SYT1: variants seen among roughly 807,000 people sequenced by gnomAD.
The protein encoded by SYT1 is synaptotagmin 1.
A neutral mutation model predicts 44.8 loss-of-function variants in SYT1; 8 were observed. The ratio of observed to expected loss-of-function variants is 0.18; its 90% confidence interval spans 0.10 to 0.32. SYT1 has a LOEUF of 0.32. SYT1 is among the 10% of genes least tolerant of loss of function. The probability of loss-of-function intolerance (pLI) is 1.00; values close to 1 mark genes in which losing one functional copy is unlikely to be tolerated. For missense variants in SYT1, 286 were observed against 509.3 expected (o/e 0.56, Z 4.22); for synonymous variants, 154 against 188.8 (o/e 0.82, Z 1.51).
Position 78,931,179 on chromosome 12 carries a change from AAAAGAAAG to A in SYT1, c.-216-46565_-216-46558del, listed in dbSNP as rs1165668920. Among the ~76,000 whole-genome samples, 376 of 59,834 alleles carry A rather than the reference AAAAGAAAG, an allele frequency of 6.3e-3. 4 individuals carry two copies. The highest frequency in any genetic ancestry group is 0.013 in the Middle Eastern group (2 of 160). The allele number at this position is 59,834 out of a possible 152,430, so 39.3% of individuals were successfully genotyped here. ...GTCTGTGGAAAGAAAGAAAGAAAGAAAAAGAAAGAAAGAAAGAAAGAAAGAAAGAAAGA... is the reference window on the plus strand; with the variant it reads ...GTCTGTGGAAAGAAAGAAAGAAAGAAAAAGAAAGAAAGAAAGAAAGAAAGA... On this transcript the variant is annotated intron_variant, in intron 1 of 10. Transcript: ENST00000261205.
chr12:79,221,071 A>G (rs1051940761), intron 4 of SYT1, among the ~76,000 whole-genome samples: 38 of 152,174 alleles, frequency 2.5e-4, no homozygotes, highest in Admixed American at 2.1e-3. Flanking sequence ...CTTCAGGTCT[A>G]TTAATATTTG....
intron 8 of SYT1, among the ~76,000 whole-genome samples, chr12:79,317,216 C>T (rs2138962957): frequency 6.6e-6 from 1 of 152,254 alleles, no homozygotes; most frequent in Admixed American, 6.5e-5. Context: ...GTCACCACTT[C>T]CTTCCATCCT....
intron 2 of SYT1, among the ~76,000 whole-genome samples, chr12:78,994,982 T>A (rs925785017): frequency 2.0e-5 from 3 of 152,156 alleles, no homozygotes; most frequent in African/African-American, 7.2e-5. Context: ...CCAGTCTATA[T>A]GCTGAGTAAC....
chr12:78,876,244 A>G lies in SYT1; in HGVS notation c.-217+11135A>G, dbSNP rs1171424958. ...TATCTAGTCTCATATCCTGGTTTCA[A>G]GAACTCAATAACCTAAGTCTACCTA... On this transcript the variant is annotated intron_variant, in intron 1 of 10. Transcript: ENST00000261205. Among the ~76,000 whole-genome samples, 8 of 151,662 alleles carry G rather than the reference A, an allele frequency of 5.3e-5. 1 individual carries two copies. The Admixed American group carries it at 5.3e-4, about 10-fold the overall frequency.
chr12:79,292,951 G>T (rs1752427968), intron 6 of SYT1, among the ~76,000 whole-genome samples: 1 of 152,192 alleles, frequency 6.6e-6, no homozygotes, highest in East Asian at 1.9e-4. Flanking sequence ...CTTCTGAATT[G>T]TTAAAGAAAT....
chr12:79,441,999 A>C (rs556158044), intron 9 of SYT1, among the ~76,000 whole-genome samples: 2 of 152,348 alleles, frequency 1.3e-5, no homozygotes, highest in South Asian at 4.1e-4. Flanking sequence ...GCAAAATCTG[A>C]AACTATCTTG....
intron 3 of SYT1, among the ~76,000 whole-genome samples, chr12:79,124,946 G>T (rs1166237163): frequency 6.6e-6 from 1 of 152,110 alleles, no homozygotes; most frequent in Non-Finnish European, 1.5e-5. Context: ...AGGAAAGAAA[G>T]GAGGGAAATT....
chr12:79,361,912 A>G (rs979434005), intron 9 of SYT1, among the ~76,000 whole-genome samples: 1 of 152,212 alleles, frequency 6.6e-6, no homozygotes, highest in African/African-American at 2.4e-5. Flanking sequence ...AGTATGTGAT[A>G]TTATTGGGAG....
rs747071088 is a variant in SYT1, at chr12:79,285,845, C to T, written c.225C>T (p.Cys75=). 4 of 1,613,530 alleles carry T rather than the reference C, an allele frequency of 2.5e-6. No individual in the cohort carries two copies. Among genetic ancestry groups the T allele is most frequent in the Non-Finnish European group, 3.4e-6 (4 of 1,179,922 alleles). ...TCGCAGTCCTTTTAGTCCTGACCTG[C>T]TGCTTTTGTATCTGTAAGAAATGTT... ...AIVAVLLVLT[C]CFCICKKCLF... is the part of the protein sequence containing the mutation. The change falls in exon 5 of 11, where the codon TGC becomes TGT. Residue 75 remains cysteine (C), a synonymous_variant. Coordinates refer to ENST00000261205, the MANE Select transcript of SYT1 (RefSeq NM_005639.3).
rs185191636 is a variant in SYT1, at chr12:79,325,490, T to G, written c.810+25939T>G. Among the ~76,000 whole-genome samples the G allele has an allele frequency of 2.4e-3, 373 of 152,360 alleles. 1 individual carries two copies. The highest frequency in any genetic ancestry group is 6.1e-3 in the Admixed American group (94 of 15,310). ...AATATATAGAGAATTTATTTTAAGCTTTCAATTGCCTTTTAGATGCCAAAT... is the reference window on the plus strand; with the variant it reads ...AATATATAGAGAATTTATTTTAAGCGTTCAATTGCCTTTTAGATGCCAAAT... On this transcript the variant is annotated intron_variant, in intron 8 of 10. Coordinates refer to ENST00000261205, the MANE Select transcript of SYT1 (RefSeq NM_005639.3).
intron 2 of SYT1, among the ~76,000 whole-genome samples, chr12:78,978,644 T>C (rs1355454628): frequency 6.6e-6 from 1 of 152,236 alleles, no homozygotes; most frequent in Non-Finnish European, 1.5e-5. Context: ...CACAATTCTA[T>C]GAAGTAAACG....
chr12:79,167,396 A>C (rs1368114914), intron 3 of SYT1, among the ~76,000 whole-genome samples: 1 of 151,952 alleles, frequency 6.6e-6, no homozygotes, highest in Non-Finnish European at 1.5e-5. Context: ...TTATGTCCTG[A>C]TTTCTGGGAG....
Position 79,145,757 on chromosome 12 carries a change from G to T in SYT1, c.-17-71746G>T, listed in dbSNP as rs61927288. Among the ~76,000 whole-genome samples, 258 of 123,420 alleles carry T rather than the reference G, an allele frequency of 2.1e-3. 2 individuals are homozygous for T. Among genetic ancestry groups the T allele is most frequent in the East Asian group, 0.013 (63 of 4,668 alleles). 81.0% of individuals were successfully genotyped at this position (123,420 alleles called of 152,430 possible). ...TAGTGGTTTTTTTTTTTTTTTGTTT[G>T]TTTGTTTGTTTGTTTTTTGAGACGG... On this transcript the variant is annotated intron_variant, in intron 3 of 10. Transcript: ENST00000261205.
At chr12:79,356,779 G>A (rs1883130447) in intron 9 of SYT1, among the ~76,000 whole-genome samples, 1 of 152,170 alleles carries the variant, frequency 6.6e-6, no homozygotes, top group South Asian at 2.1e-4. Flanking sequence ...AATAATGAGA[G>A]GACTTTGTTG....
intron 9 of SYT1, among the ~76,000 whole-genome samples, chr12:79,369,847 A>G (rs567337584): frequency 1.3e-5 from 2 of 152,354 alleles, no homozygotes; most frequent in Non-Finnish European, 2.9e-5. Context: ...ATCATCTTGC[A>G]TGCTGCAAGA....
intron 2 of SYT1, among the ~76,000 whole-genome samples, chr12:79,017,347 G>A (rs1276947432): frequency 6.6e-6 from 1 of 152,090 alleles, no homozygotes; most frequent in Non-Finnish European, 1.5e-5. Flanking sequence ...TCAGTGAGCT[G>A]TCTAATAAAA....
intron 3 of SYT1, among the ~76,000 whole-genome samples, chr12:79,078,817 C>T (rs1876838966): frequency 2.6e-5 from 4 of 152,078 alleles, no homozygotes; most frequent in Non-Finnish European, 5.9e-5. Context: ...GAAACGGGAG[C>T]GTTATTTCCT....
intron 10 of SYT1, among the ~76,000 whole-genome samples, chr12:79,448,420 C>T (rs1183281380): frequency 1.3e-5 from 2 of 151,980 alleles, no homozygotes; most frequent in Non-Finnish European, 2.9e-5. Context: ...CATGCTGTCC[C>T]CCCACCCTTA....
At position 78,865,080 on chromosome 12, in the gene SYT1, C is replaced by T. The variant is rs565876840; in HGVS notation, c.-246C>T. On this transcript the variant is annotated 5_prime_UTR_variant, in exon 1 of 11. Transcript: ENST00000261205. ...GCGGGGAGAGCACTGGGGACCGAGA[C>T]CCGGCACCACCTCCCGGTCCGCCCT... 1 of 152,232 alleles carries T rather than the reference C, an allele frequency of 6.6e-6. No homozygotes were observed. The highest frequency in any genetic ancestry group is 2.4e-5 in the African/African-American group (1 of 41,454). 9.4% of individuals were successfully genotyped at this position (152,232 alleles called of 1,614,324 possible).
Sources: allele counts gnomAD v4.1 joint callset (sites outside exome capture counted in the v4.1 genomes callset), GRCh38; gene constraint gnomAD v4.1.1; transcripts MANE v1.5; gene names NCBI Gene and HGNC (gene_info 2026-07-23, HGNC 2026-07-21).